Variants in NXPH1 observed in about 807,000 individuals in gnomAD.
NXPH1 encodes the protein neurexophilin 1.
In NXPH1, 5 loss-of-function variants were observed where a neutral mutation model predicts 23.7. The observed-to-expected ratio is 0.21, with a 90% CI of 0.11 to 0.44. The LOEUF is 0.44. Ranked by LOEUF, NXPH1 falls within the 20% of genes least tolerant of loss-of-function variation. NXPH1 has a pLI of 0.99. For missense variants in NXPH1, 324 were observed against 321.6 expected (o/e 1.01, Z -0.06); for synonymous variants, 144 against 122.2 (o/e 1.18, Z -1.18).
chr7:8,670,937 C>G (rs918515939), intron 2 of NXPH1, among the ~76,000 whole-genome samples: 21 of 152,198 alleles, frequency 1.4e-4, no homozygotes, highest in Admixed American at 4.6e-4. Flanking sequence ...CTGATAGCAC[C>G]TCTGACATGG....
At chr7:8,593,171 A>AT (rs61424859) in intron 2 of NXPH1, among the ~76,000 whole-genome samples, 51,698 of 141,482 alleles carry the variant, frequency 0.37, 11,062 homozygotes, top group African/African-American at 0.63. Context: ...AGTAAGAAGC[A>AT]TTTTTTTTTT....
rs1330077094 is a variant in NXPH1, at chr7:8,434,038, C to A, written c.-828C>A. ...ACGACCACCGCGGCCGCCGGAAACC[C>A]AAAGCGCTCCAGAGCGTCCCCGGGT... On this transcript the variant is annotated 5_prime_UTR_variant, in exon 1 of 3. Coordinates refer to ENST00000405863, the MANE Select transcript of NXPH1 (RefSeq NM_152745.3). The surrounding 1 kb of genome is among the most constrained non-coding windows in gnomAD (Gnocchi z 7.6). 1 of 152,226 alleles carries A rather than the reference C, an allele frequency of 6.6e-6. No homozygotes were observed. Among genetic ancestry groups the A allele is most frequent in the South Asian group, 2.1e-4 (1 of 4,832 alleles). The allele number at this position is 152,226 out of a possible 1,614,324, so 9.4% of individuals were successfully genotyped here.
intron 2 of NXPH1, among the ~76,000 whole-genome samples, chr7:8,444,631 C>A (rs912891607): frequency 1.3e-5 from 2 of 152,204 alleles, no homozygotes; most frequent in African/African-American, 2.4e-5. Context: ...CAGTTACCTG[C>A]AATACCATAG....
At chr7:8,625,895 C>T (rs150791068) in intron 2 of NXPH1, among the ~76,000 whole-genome samples, 1 of 152,140 alleles carries the variant, frequency 6.6e-6, no homozygotes, top group African/African-American at 2.4e-5. Context: ...TGGGAAGTTT[C>T]AAACAATGAG....
intron 2 of NXPH1, among the ~76,000 whole-genome samples, chr7:8,674,164 C>CAA: frequency 2.4e-5 from 1 of 41,754 alleles, no homozygotes; most frequent in African/African-American, 1.2e-4. Flanking sequence ...AACATATAGA[C>CAA]ACACACACAC....
intron 2 of NXPH1, among the ~76,000 whole-genome samples, chr7:8,538,909 G>A (rs1818068429): frequency 6.6e-6 from 1 of 151,880 alleles, no homozygotes; most frequent in Non-Finnish European, 1.5e-5. Flanking sequence ...GATGAAATTA[G>A]CAGACTATCC....
Position 8,433,845 on chromosome 7 carries a change from C to T in NXPH1, c.-1021C>T, listed in dbSNP as rs1816141023. 6.6e-6 allele frequency: 1 copy of T among 152,578 alleles called. No homozygotes were observed. Among genetic ancestry groups the T allele is most frequent in the African/African-American group, 2.4e-5 (1 of 41,468 alleles). 9.5% of individuals were successfully genotyped at this position (152,578 alleles called of 1,614,324 possible). ...AAGGGGGCGCTGCGGCCACCGAAGA[C>T]ACCGCGGGAGCCACTTGTCCCTGTG... On this transcript the variant is annotated 5_prime_UTR_variant, in exon 1 of 3. Transcript: ENST00000405863. The surrounding 1 kb of genome is among the most constrained non-coding windows in gnomAD (Gnocchi z 6.8).
In NXPH1 at chr7:8,442,886, G is replaced by C. The variant is rs568778592; in HGVS notation, c.54+7119G>C. ...CTTTTGGGACAGCGGGCTGGATAGC[G>C]GCAGTTCTCGGGAGAATAGGCCGCG... On this transcript the variant is annotated intron_variant, in intron 2 of 2. Coordinates refer to ENST00000405863, the MANE Select transcript of NXPH1 (RefSeq NM_152745.3). The surrounding 1 kb of genome is among the most constrained non-coding windows in gnomAD (Gnocchi z 4.6). Among the ~76,000 whole-genome samples, 2 of 152,368 alleles carry C rather than the reference G, an allele frequency of 1.3e-5. No individual in the cohort carries two copies. Among genetic ancestry groups the C allele is most frequent in the East Asian group, 3.9e-4 (2 of 5,182 alleles).
intron 2 of NXPH1, among the ~76,000 whole-genome samples, chr7:8,438,332 C>A (rs538653525): frequency 6.6e-6 from 1 of 152,344 alleles, no homozygotes; most frequent in Non-Finnish European, 1.5e-5. Flanking sequence ...TTTGTAAGAA[C>A]CTGCACTGGA....
chr7:8,718,265 A>G (rs1051779128), intron 2 of NXPH1, among the ~76,000 whole-genome samples: 2 of 152,128 alleles, frequency 1.3e-5, no homozygotes, highest in African/African-American at 4.8e-5. Flanking sequence ...GCTCAGCTGT[A>G]ATTGCATTTA....
At chr7:8,571,280 T>C (rs73235746) in intron 2 of NXPH1, among the ~76,000 whole-genome samples, 3,482 of 151,736 alleles carry the variant, frequency 0.023, 126 homozygotes, top group African/African-American at 0.079. Flanking sequence ...CCCAGATATA[T>C]TTAAGAAGTG....
chr7:8,691,306 G>A (rs924080327), intron 2 of NXPH1, among the ~76,000 whole-genome samples: 10 of 151,924 alleles, frequency 6.6e-5, no homozygotes, highest in Admixed American at 1.3e-4. Flanking sequence ...GCACCAGCAC[G>A]TCCAGCTAAT....
chr7:8,497,365 G>A (rs1817355224), intron 2 of NXPH1, among the ~76,000 whole-genome samples: 1 of 152,108 alleles, frequency 6.6e-6, no homozygotes, highest in African/African-American at 2.4e-5. Flanking sequence ...ATAATCCTTT[G>A]GGTATATACC....
At chr7:8,521,570 G>A (rs556163767) in intron 2 of NXPH1, among the ~76,000 whole-genome samples, 1 of 152,142 alleles carries the variant, frequency 6.6e-6, no homozygotes, top group East Asian at 1.9e-4. Context: ...GGAGGGAGCT[G>A]GGATCTCTAG....
chr7:8,726,724 C>T (rs1476727734), intron 2 of NXPH1, among the ~76,000 whole-genome samples: 2 of 149,034 alleles, frequency 1.3e-5, no homozygotes, highest in East Asian at 3.9e-4. Context: ...TTTTCTTAAT[C>T]CAGTCTATCG....
chr7:8,742,439 T>G (rs1450440116), intron 2 of NXPH1, among the ~76,000 whole-genome samples: 2 of 152,104 alleles, frequency 1.3e-5, no homozygotes, highest in Non-Finnish European at 2.9e-5. Flanking sequence ...TACGGTATAT[T>G]CATAATATAG....
At chr7:8,502,855 C>T (rs904201769) in intron 2 of NXPH1, among the ~76,000 whole-genome samples, 11 of 151,704 alleles carry the variant, frequency 7.3e-5, no homozygotes, top group African/African-American at 1.2e-4. Flanking sequence ...GCTGGGCCTC[C>T]GAATGTGCAG....
At chr7:8,740,652 T>C (rs1780345484) in intron 2 of NXPH1, among the ~76,000 whole-genome samples, 1 of 152,196 alleles carries the variant, frequency 6.6e-6, no homozygotes, top group African/African-American at 2.4e-5. Flanking sequence ...CTGTGGTACC[T>C]GAAGCACTGC....
At chr7:8,740,837 T>C (rs1192344379) in intron 2 of NXPH1, among the ~76,000 whole-genome samples, 1 of 152,170 alleles carries the variant, frequency 6.6e-6, no homozygotes, top group East Asian at 1.9e-4. Context: ...CACTGTGAAA[T>C]GATTACCACA....
Sources: allele counts gnomAD v4.1 joint callset (sites outside exome capture counted in the v4.1 genomes callset), GRCh38; gene constraint gnomAD v4.1.1; non-coding constraint Gnocchi (gnomAD v3.1); transcripts MANE v1.5; gene names NCBI Gene and HGNC (gene_info 2026-07-23, HGNC 2026-07-21).